The following PRRC2C variants were observed in gnomAD, a reference collection of about 807,000 sequenced individuals.
The protein encoded by PRRC2C is proline rich coiled-coil 2C.
In PRRC2C, 72 loss-of-function variants were observed where a neutral mutation model predicts 317.2. The observed-to-expected ratio is 0.23, with a 90% CI of 0.19 to 0.28. PRRC2C has a LOEUF of 0.28. Ranked by LOEUF, PRRC2C falls within the 10% of genes least tolerant of loss-of-function variation. PRRC2C has a pLI of 1.00. For synonymous variants in PRRC2C, 1,296 were observed against 1,205.9 expected (o/e 1.07, Z -1.55); for missense variants, 3,074 against 3,459.7 (o/e 0.89, Z 2.80).
At chr1:171,551,401 T>C (rs1385650655) in intron 18 of PRRC2C, among the ~76,000 whole-genome samples, 1 of 152,184 alleles carries the variant, frequency 6.6e-6, no homozygotes, top group Non-Finnish European at 1.5e-5. Flanking sequence ...TTTTCTCCCA[T>C]TCTGTAGGTT....
rs1572176199 is a variant in PRRC2C, at chr1:171,589,446, G to C, written c.8277G>C (p.Arg2759Ser). 1 of 1,289,524 alleles carries C rather than the reference G, an allele frequency of 7.8e-7. No homozygotes were observed. Among genetic ancestry groups the C allele is most frequent in the Non-Finnish European group, 1.0e-6 (1 of 988,824 alleles). 79.9% of individuals were successfully genotyped at this position (1,289,524 alleles called of 1,614,324 possible). The change falls in exon 34 of 35, where the codon AGG becomes AGC. Residue 2759 changes from arginine (R) to serine (S), a missense_variant. Arg to Ser is a moderately radical substitution (Grantham distance 110). Transcript: ENST00000647382. The stretch of plus-strand genomic sequence containing the variant: ...ACACCTTCCCAGCGCCTGTTCAGAG[G>C]CCACCAATGGCACTGGCCAGTCAGA... ...HTNTFPAPVQ[R>S]PPMALASQMP...
intron 1 of PRRC2C, among the ~76,000 whole-genome samples, chr1:171,495,384 T>C (rs1667926400): frequency 6.6e-6 from 1 of 152,214 alleles, no homozygotes; most frequent in Admixed American, 6.5e-5. Context: ...ATGGAATACA[T>C]TGGTACTCCT....
intron 12 of PRRC2C, among the ~76,000 whole-genome samples, chr1:171,533,487 T>C (rs1438051517): frequency 6.6e-6 from 1 of 152,214 alleles, no homozygotes; most frequent in Non-Finnish European, 1.5e-5. Context: ...TAAAATTCTT[T>C]TTCTAGATCT....
intron 24 of PRRC2C, among the ~76,000 whole-genome samples, chr1:171,572,420 G>T (rs1283217569): frequency 6.6e-6 from 1 of 152,186 alleles, no homozygotes; most frequent in African/African-American, 2.4e-5. Flanking sequence ...ATGATCTTCA[G>T]TTGGGGTCAC....
chr1:171,585,908 C>T (rs1265394860), intron 30 of PRRC2C, among the ~76,000 whole-genome samples: 1 of 151,730 alleles, frequency 6.6e-6, no homozygotes, highest in Non-Finnish European at 1.5e-5. Context: ...TGTCTTGGGG[C>T]GAGGGGCCTG....
At chr1:171,558,525 T>C (rs1021690420) in intron 19 of PRRC2C, among the ~76,000 whole-genome samples, 3 of 152,216 alleles carry the variant, frequency 2.0e-5, no homozygotes, top group Non-Finnish European at 4.4e-5. Flanking sequence ...CTGTGTCACA[T>C]TTTGGTCATT....
chr1:171,552,488 TC>T (rs1248570541), intron 18 of PRRC2C, among the ~76,000 whole-genome samples: 1 of 152,206 alleles, frequency 6.6e-6, no homozygotes, highest in African/African-American at 2.4e-5. Context: ...AGCCAGAACT[TC>T]CAACACTATG....
At chr1:171,535,639 G>T (rs1431627283) in intron 13 of PRRC2C, 42 bp downstream of exon 13, 8 of 1,586,984 alleles carry the variant, frequency 5.0e-6, no homozygotes, top group Non-Finnish European at 6.9e-6. Flanking sequence ...TGATTGAAGT[G>T]GTTTATTATG....
chr1:171,553,675 T>C (rs1201420120), intron 18 of PRRC2C, among the ~76,000 whole-genome samples: 1 of 152,220 alleles, frequency 6.6e-6, no homozygotes, highest in Non-Finnish European at 1.5e-5. Context: ...GTGTCTTTGT[T>C]CTCTTTGGTT....
chr1:171,545,231 G>A (rs1033045696), intron 16 of PRRC2C, among the ~76,000 whole-genome samples: 8 of 152,070 alleles, frequency 5.3e-5, no homozygotes, highest in African/African-American at 1.9e-4. Context: ...AAGAACTTCT[G>A]GTATAACTAG....
intron 1 of PRRC2C, among the ~76,000 whole-genome samples, chr1:171,488,178 T>C (rs1354617637): frequency 6.6e-6 from 1 of 152,244 alleles, no homozygotes; most frequent in Non-Finnish European, 1.5e-5. Context: ...TATGTCATAT[T>C]TGTAAATGAC....
chr1:171,526,805 C>CTTTTTTTTTTTTTTTTTTTTTTTTTTTTT lies in PRRC2C; in HGVS notation c.1201-965_1201-964insTTTTTTTTTTTTTTTTTTTTTTTTTTTTT, dbSNP rs938229816. 3.3e-5 allele frequency among the ~76,000 whole-genome samples: 3 copies of CTTTTTTTTTTTTTTTTTTTTTTTTTTTTT among 90,208 alleles called. 1 individual carries two copies. The highest frequency in any genetic ancestry group is 9.3e-5 in the African/African-American group (2 of 21,570). The allele number at this position is 90,208 out of a possible 152,430, so 59.2% of individuals were successfully genotyped here. ...AAAATCATTACATTCAGAAATATAT[C>CTTTTTTTTTTTTTTTTTTTTTTTTTTTTT]TTTTTTTTTTTTTTTTTTTTTGAGA... On this transcript the variant is annotated intron_variant, in intron 10 of 34. Coordinates refer to ENST00000647382, the MANE Select transcript of PRRC2C (RefSeq NM_001387844.1).
At chr1:171,486,375 C>CT (rs1557840215) in intron 1 of PRRC2C, among the ~76,000 whole-genome samples, 1 of 152,050 alleles carries the variant, frequency 6.6e-6, no homozygotes, top group Non-Finnish European at 1.5e-5. Context: ...GCTCCATCCT[C>CT]TAACTTGCGT....
rs1034591524 is a variant in PRRC2C, at chr1:171,566,716, C to T, written c.6431C>T (p.Pro2144Leu). Residue 2144 changes from proline (P) to leucine (L), a missense_variant, in exon 22 of 35, where the codon CCA (proline) becomes CTA (leucine). Physicochemically the swap from Pro to Leu is moderately conservative, Grantham distance 98. Coordinates refer to ENST00000647382, the MANE Select transcript of PRRC2C (RefSeq NM_001387844.1). ...GTGGAGCCAGAAGGACAAGAGAAAC[C>T]AAGCCCAGCTACAGTCAGAAGCACA... ...QQVEPEGQEK[P>L]SPATVRSTDP... The T allele has an allele frequency of 6.2e-7, 1 of 1,613,676 alleles. No homozygotes were observed.
At chr1:171,552,190 T>C (rs1680379663) in intron 18 of PRRC2C, among the ~76,000 whole-genome samples, 2 of 152,188 alleles carry the variant, frequency 1.3e-5, no homozygotes, top group African/African-American at 4.8e-5. Context: ...CCCTTGTAAG[T>C]TGGATTCCTA....
chr1:171,547,036 G>C (rs966385455), intron 17 of PRRC2C, among the ~76,000 whole-genome samples: 1 of 152,040 alleles, frequency 6.6e-6, no homozygotes, highest in Non-Finnish European at 1.5e-5. Flanking sequence ...AGACCAGCCT[G>C]ACCAACATGG....
At chr1:171,579,235 G>T in intron 26 of PRRC2C, 119 bp from the exon 27 acceptor site, 2 of 1,357,734 alleles carry the variant, frequency 1.5e-6, no homozygotes, top group South Asian at 3.4e-5. Flanking sequence ...TTCCATGGCT[G>T]TATTTTCAGA....
At chr1:171,579,284 T>A in intron 26 of PRRC2C, 70 bp from the exon 27 acceptor site, 1 of 1,509,602 alleles carries the variant, frequency 6.6e-7, no homozygotes, top group South Asian at 1.3e-5. Context: ...AAACTTGGTT[T>A]TTATTTACTG....
Position 171,545,578 on chromosome 1 carries a change from G to C in PRRC2C, c.4863G>C (p.Lys1621Asn). The C allele has an allele frequency of 6.2e-7, 1 of 1,609,034 alleles. No homozygotes were observed. Among genetic ancestry groups the C allele is most frequent in the African/African-American group, 1.3e-5 (1 of 74,876 alleles). The change falls in exon 17 of 35, where the codon AAG becomes AAC. Residue 1621 changes from lysine (K) to asparagine (N), a missense_variant. Coordinates refer to ENST00000647382, the MANE Select transcript of PRRC2C (RefSeq NM_001387844.1). ...GAGTACCTAATGGTACAGGACAAAA[G>C]AACTCCAAAGATTCTACTGGGAAAA... is the stretch of plus-strand genomic sequence containing the variant. ...QEGVPNGTGQ[K>N]NSKDSTGKKR... is the part of the protein sequence containing the mutation.
Sources: allele counts gnomAD v4.1 joint callset (sites outside exome capture counted in the v4.1 genomes callset), GRCh38; gene constraint gnomAD v4.1.1; transcripts MANE v1.5; gene names NCBI Gene and HGNC (gene_info 2026-07-23, HGNC 2026-07-21).